The following CNTN4 variants were observed in gnomAD, a reference collection of about 807,000 sequenced individuals.
CNTN4 encodes contactin-4.
CNTN4 carries 77 observed loss-of-function variants against 122.5 expected under a neutral mutation model. The observed-to-expected ratio is 0.63, with a 90% CI of 0.52 to 0.76. The LOEUF (loss-of-function observed/expected upper bound fraction) is 0.76, where lower values mean the gene tolerates loss of function less well. Ranked by LOEUF, CNTN4 falls within the 30% of genes least tolerant of loss-of-function variation. CNTN4 has a pLI of 0.00. For synonymous variants in CNTN4, 512 were observed against 447.0 expected, an observed-to-expected ratio of 1.15 and a Z score of -1.83; for missense variants, 1,256 against 1,259.1, an observed-to-expected ratio of 1.00 and a Z score of 0.04.
At position 2,428,901 on chromosome 3, in the gene CNTN4, C is replaced by G. The variant is rs906744815; in HGVS notation, c.-89+89668C>G. ...GCTTATGCATGCATCAGGTAGTACTCGTGCCATGGTTTTCAGCTCCATCAG... is the reference window on the plus strand; with the variant it reads ...GCTTATGCATGCATCAGGTAGTACTGGTGCCATGGTTTTCAGCTCCATCAG... On this transcript the variant is annotated intron_variant, in intron 3 of 24. Transcript: ENST00000418658. 9.9e-5 allele frequency among the ~76,000 whole-genome samples: 15 copies of G among 152,278 alleles called. No individual in the cohort carries two copies. The East Asian group carries it at 2.9e-3, about 29-fold the overall frequency.
chr3:3,012,030 A>G (rs549679020), intron 14 of CNTN4, among the ~76,000 whole-genome samples: 1 of 152,316 alleles, frequency 6.6e-6, no homozygotes, highest in Non-Finnish European at 1.5e-5. Context: ...TACAAGTCAA[A>G]TAACTTTCCC....
At chr3:2,397,025 G>T (rs2046666563) in intron 3 of CNTN4, among the ~76,000 whole-genome samples, 1 of 152,152 alleles carries the variant, frequency 6.6e-6, no homozygotes, top group Admixed American at 6.5e-5. Context: ...TGCTTCAAGG[G>T]TTTTGATTGT....
At chr3:2,743,507 CTT>C (rs893012399) in intron 5 of CNTN4, among the ~76,000 whole-genome samples, 4 of 152,138 alleles carry the variant, frequency 2.6e-5, no homozygotes, top group Admixed American at 2.0e-4. Flanking sequence ...TCTTACCTCT[CTT>C]GTTTCTAAAT....
At chr3:2,549,888 G>C (rs1207438193) in intron 3 of CNTN4, among the ~76,000 whole-genome samples, 1 of 152,108 alleles carries the variant, frequency 6.6e-6, no homozygotes, top group East Asian at 1.9e-4. Context: ...CTTGTTATTG[G>C]TCTACTCAGG....
chr3:2,571,538 C>G lies in CNTN4; in HGVS notation c.35C>G (p.Ser12Ter). 1.2e-6 allele frequency: 2 copies of G among 1,613,694 alleles called. No homozygotes were observed. Among genetic ancestry groups the G allele is most frequent in the Non-Finnish European group, 1.7e-6 (2 of 1,179,570 alleles). ...RLPWELLVLQ[S>*]FILCLADDST... ...CCATGGGAACTGCTGGTACTGCAAT[C>G]ATTCATTTTGTGCCTTGCAGGTAGA... is the stretch of plus-strand genomic sequence containing the variant. Residue 12 changes from serine to a stop codon, truncating the protein, a stop_gained, in exon 4 of 25, where the codon TCA becomes TGA. Transcript: ENST00000418658. LOFTEE classifies it high-confidence loss of function.
chr3:2,383,707 C>T (rs2046119938), intron 3 of CNTN4, among the ~76,000 whole-genome samples: 1 of 149,164 alleles, frequency 6.7e-6, no homozygotes, highest in South Asian at 2.2e-4. Context: ...CTTTCTTTCC[C>T]TCCCTCTCCT....
At chr3:2,378,926 A>G (rs17013494) in intron 3 of CNTN4, among the ~76,000 whole-genome samples, 10,898 of 152,186 alleles carry the variant, frequency 0.072, 930 homozygotes, top group East Asian at 0.5. Context: ...CAATTAGAGG[A>G]TTATACCATA....
intron 2 of CNTN4, among the ~76,000 whole-genome samples, chr3:2,215,812 TTTAGAGG>T (rs2038811451): frequency 7.1e-6 from 1 of 140,158 alleles, no homozygotes; most frequent in African/African-American, 2.7e-5. Flanking sequence ...GAACCCAGGA[TTTAGAGG>T]TTGCAGTGAG....
At chr3:2,968,219 G>T (rs1393760073) in intron 13 of CNTN4, among the ~76,000 whole-genome samples, 1 of 152,160 alleles carries the variant, frequency 6.6e-6, no homozygotes, top group Admixed American at 6.5e-5. Context: ...TTTCTTGGAA[G>T]TTGATTACAA....
intron 2 of CNTN4, among the ~76,000 whole-genome samples, chr3:2,100,858 A>G (rs2031879099): frequency 6.6e-6 from 1 of 152,140 alleles, no homozygotes; most frequent in Non-Finnish European, 1.5e-5. Context: ...AAACGTCATT[A>G]TTTTTCCATC....
chr3:2,929,717 A>C (rs1374434379), intron 13 of CNTN4, among the ~76,000 whole-genome samples: 1 of 152,068 alleles, frequency 6.6e-6, no homozygotes, highest in Non-Finnish European at 1.5e-5. Context: ...GGAGCCATGT[A>C]CTCACCCTCT....
chr3:2,460,234 C>T (rs2049156137), intron 3 of CNTN4, among the ~76,000 whole-genome samples: 2 of 152,144 alleles, frequency 1.3e-5, no homozygotes, highest in South Asian at 2.1e-4. Context: ...ATCCCTAGCT[C>T]AACCCTAACT....
intron 3 of CNTN4, among the ~76,000 whole-genome samples, chr3:2,392,449 G>A (rs1502566): frequency 0.39 from 59,180 of 151,910 alleles, 11,709 homozygotes; most frequent in East Asian, 0.63. Context: ...TGAAAAATAT[G>A]CACACAGTCT....
At chr3:2,714,840 C>T (rs1467895375) in intron 4 of CNTN4, among the ~76,000 whole-genome samples, 8 of 152,268 alleles carry the variant, frequency 5.3e-5, no homozygotes, top group Middle Eastern at 3.4e-3. Flanking sequence ...TGGGCTCAAA[C>T]GATCCTCCTT....
intron 3 of CNTN4, among the ~76,000 whole-genome samples, chr3:2,537,401 T>C (rs1205191578): frequency 1.3e-5 from 2 of 152,120 alleles, no homozygotes; most frequent in Non-Finnish European, 1.5e-5. Context: ...TCCTTGCATT[T>C]GTGAGAGCTA....
chr3:2,303,368 C>T (rs542195771), intron 2 of CNTN4, among the ~76,000 whole-genome samples: 119 of 152,154 alleles, frequency 7.8e-4, no homozygotes, highest in Admixed American at 1.2e-3. Flanking sequence ...ACTCGTTTCC[C>T]CTATTCACTC....
chr3:2,849,988 T>C (rs1482347764), intron 7 of CNTN4, among the ~76,000 whole-genome samples: 1 of 151,102 alleles, frequency 6.6e-6, no homozygotes, highest in Non-Finnish European at 1.5e-5. Context: ...AGCAATCACT[T>C]TTTTTTCTTT....
intron 4 of CNTN4, among the ~76,000 whole-genome samples, chr3:2,703,412 T>C (rs2086469326): frequency 6.6e-6 from 1 of 152,236 alleles, no homozygotes; most frequent in Admixed American, 6.5e-5. Context: ...CATTAGCTCA[T>C]TTGATTTTTA....
intron 4 of CNTN4, among the ~76,000 whole-genome samples, chr3:2,642,451 CAAGTT>C (rs1371854125): frequency 2.0e-5 from 3 of 152,148 alleles, no homozygotes; most frequent in South Asian, 2.1e-4. Context: ...TCAGTCCAGT[CAAGTT>C]GACACCCAAT....
Sources: gnomAD v4.1 joint callset for allele counts (sites outside exome capture counted in the v4.1 genomes callset) on GRCh38, gnomAD v4.1.1 for gene constraint, MANE v1.5 for transcripts, NCBI Gene and HGNC (gene_info 2026-07-23, HGNC 2026-07-21) for gene names.